EEA1: variants seen among roughly 807,000 people sequenced by gnomAD.
EEA1 encodes early endosome antigen 1.
A neutral mutation model predicts 209.2 loss-of-function variants in EEA1; 111 were observed. The ratio of observed to expected loss-of-function variants is 0.53; its 90% confidence interval spans 0.45 to 0.62. EEA1 has a LOEUF of 0.62. Ranked by LOEUF, EEA1 falls within the 20% of genes least tolerant of loss-of-function variation. The probability of loss-of-function intolerance (pLI) is 0.00; values close to 1 mark genes in which losing one functional copy is unlikely to be tolerated. For missense variants in EEA1, 1,343 were observed against 1,530.8 expected (o/e 0.88, Z 2.05); for synonymous variants, 536 against 540.6 (o/e 0.99, Z 0.12).
chr12:92,888,586 AC>A (rs1279801661), intron 2 of EEA1, among the ~76,000 whole-genome samples: 3 of 149,520 alleles, frequency 2.0e-5, no homozygotes, highest in Admixed American at 1.3e-4. Context: ...AAAAAAACAA[AC>A]AAACAAACAA....
chr12:92,798,026 T>A (rs1565812232), intron 21 of EEA1, among the ~76,000 whole-genome samples: 1 of 152,172 alleles, frequency 6.6e-6, no homozygotes, highest in Non-Finnish European at 1.5e-5. Context: ...GAACTCATTG[T>A]GCTCAAATAT....
intron 5 of EEA1, among the ~76,000 whole-genome samples, chr12:92,854,288 A>T (rs1435312557): frequency 6.6e-6 from 1 of 152,248 alleles, no homozygotes; most frequent in Non-Finnish European, 1.5e-5. Context: ...TTCTAAAACA[A>T]ATACTTAAGT....
At chr12:92,899,923 C>T (rs1045631483) in intron 1 of EEA1, among the ~76,000 whole-genome samples, 3 of 152,168 alleles carry the variant, frequency 2.0e-5, no homozygotes, top group Admixed American at 6.5e-5. Context: ...ATAATGATTC[C>T]AAACTTCTCT....
intron 13 of EEA1, among the ~76,000 whole-genome samples, 198 bp downstream of exon 13, chr12:92,825,968 A>G (rs917534732): frequency 3.3e-5 from 5 of 151,502 alleles, no homozygotes; most frequent in African/African-American, 1.2e-4. Flanking sequence ...CAACATAGTA[A>G]TCAAAAGAAA....
intron 1 of EEA1, among the ~76,000 whole-genome samples, chr12:92,899,761 G>T (rs1880073792): frequency 6.6e-6 from 1 of 152,164 alleles, no homozygotes; most frequent in Admixed American, 6.5e-5. Flanking sequence ...CCTTCCTCTT[G>T]CTCGTTCTCA....
chr12:92,811,092 G>A (rs961406184), intron 17 of EEA1, among the ~76,000 whole-genome samples, 187 bp downstream of exon 17: 11 of 151,988 alleles, frequency 7.2e-5, no homozygotes, highest in Non-Finnish European at 1.5e-4. Flanking sequence ...CTCATTAAGG[G>A]AGACATTAAA....
At chr12:92,872,427 A>G (rs1047156712) in intron 2 of EEA1, among the ~76,000 whole-genome samples, 1 of 152,246 alleles carries the variant, frequency 6.6e-6, no homozygotes, top group African/African-American at 2.4e-5. Context: ...TCTCTTTGAA[A>G]GTAATTTAAT....
chr12:92,801,739 T>A lies in EEA1; in HGVS notation c.2671-38A>T, dbSNP rs761261747. The A allele has an allele frequency of 1.0e-5, 14 of 1,379,496 alleles. No homozygotes were observed. In the South Asian group the frequency reaches 2.0e-4, roughly 20 times the overall value. The allele number at this position is 1,379,496 out of a possible 1,614,324, so 85.5% of individuals were successfully genotyped here. The stretch of plus-strand genomic sequence containing the variant: ...GAAAACTATATTACATAAAAAATAT[T>A]TGTAATAACCTTAAGAAGTTTAGTT... On this transcript the variant is annotated intron_variant, in intron 19 of 28. Coordinates refer to ENST00000322349, the MANE Select transcript of EEA1 (RefSeq NM_003566.4).
chr12:92,809,429 T>C lies in EEA1; in HGVS notation c.2200-273A>G, dbSNP rs1393972492. ...GGCTGGGCGCGGTGGCTCACACCTG[T>C]AATCCCAGCACCTTGGGAGGCAGAG... On this transcript the variant is annotated intron_variant, in intron 17 of 28. Coordinates refer to ENST00000322349, the MANE Select transcript of EEA1 (RefSeq NM_003566.4). Among the ~76,000 whole-genome samples the C allele has an allele frequency of 2.0e-5, 3 of 150,242 alleles. No individual in the cohort carries two copies. In the East Asian group the frequency reaches 5.8e-4, roughly 29 times the overall value.
intron 2 of EEA1, among the ~76,000 whole-genome samples, chr12:92,873,973 G>A (rs1468083009): frequency 6.6e-6 from 1 of 152,004 alleles, no homozygotes; most frequent in African/African-American, 2.4e-5. Flanking sequence ...TTGTCTTCCA[G>A]ATGACCACAG....
intron 1 of EEA1, among the ~76,000 whole-genome samples, chr12:92,917,745 T>C (rs1180725258): frequency 8.2e-6 from 1 of 122,274 alleles, no homozygotes; most frequent in Admixed American, 8.6e-5. Context: ...CACATAACAA[T>C]ATTAACTTTA....
rs532752452 is a variant in EEA1 at position 92,865,073 on chromosome 12, T to C, written c.118-86A>G. 4.3e-5 allele frequency: 47 copies of C among 1,095,528 alleles called. 1 individual carries two copies. The African/African-American group carries it at 6.8e-4, about 16-fold the overall frequency. 67.9% of individuals were successfully genotyped at this position (1,095,528 alleles called of 1,614,324 possible). On this transcript the variant is annotated intron_variant, in intron 2 of 28. Coordinates refer to ENST00000322349, the MANE Select transcript of EEA1 (RefSeq NM_003566.4). ...GCATATTATTAAATATCACCAAATG[T>C]CTGAATCATACCAATGGTGCCATTA...
chr12:92,781,656 T>G (rs1873907468), intron 23 of EEA1, among the ~76,000 whole-genome samples: 1 of 152,198 alleles, frequency 6.6e-6, no homozygotes, highest in Non-Finnish European at 1.5e-5. Flanking sequence ...GAGAAATAGT[T>G]GAGGAACTAT....
intron 20 of EEA1, among the ~76,000 whole-genome samples, chr12:92,801,038 A>G (rs1252500560): frequency 6.6e-6 from 1 of 152,196 alleles, no homozygotes; most frequent in Non-Finnish European, 1.5e-5. Flanking sequence ...GGCTTCAGAG[A>G]GCAACAACCA....
At chr12:92,925,335 C>A (rs2136792831) in intron 1 of EEA1, among the ~76,000 whole-genome samples, 1 of 152,334 alleles carries the variant, frequency 6.6e-6, no homozygotes, top group Admixed American at 6.5e-5. Flanking sequence ...CCACCTCAGT[C>A]TCCCAAGTAG....
rs368844623 is a variant in EEA1, at chr12:92,801,562, T to C, written c.2772+38A>G. The C allele has an allele frequency of 1.1e-5, 15 of 1,351,358 alleles. No homozygotes were observed. In the African/African-American group the frequency reaches 1.2e-4, roughly 11 times the overall value. The allele number at this position is 1,351,358 out of a possible 1,614,324, so 83.7% of individuals were successfully genotyped here. A position where few individuals can be genotyped will look rare whatever the true frequency, so the allele number is the denominator to read the frequency against. ...ATTTGAAAATATAAAGACCTTACTA[T>C]ACTTTACAGATTTTATGTTACAAAA... On this transcript the variant is annotated intron_variant, in intron 20 of 28. Transcript: ENST00000322349.
chr12:92,826,138 C>G, intron 13 of EEA1, 28 bp downstream of exon 13: 1 of 1,606,968 alleles, frequency 6.2e-7, no homozygotes, highest in Middle Eastern at 1.7e-4. Context: ...TTTGTGTTTA[C>G]AAGGCTAATA....
At chr12:92,862,376 C>T (rs1361278666) in intron 3 of EEA1, among the ~76,000 whole-genome samples, 1 of 152,006 alleles carries the variant, frequency 6.6e-6, no homozygotes, top group Admixed American at 6.6e-5. Flanking sequence ...TGGGAGAATT[C>T]CTTGAGGACT....
At chr12:92,882,413 T>G (rs1344594008) in intron 2 of EEA1, among the ~76,000 whole-genome samples, 1 of 152,034 alleles carries the variant, frequency 6.6e-6, no homozygotes, top group Non-Finnish European at 1.5e-5. Context: ...GGCATCTTTT[T>G]TTTTTTTTCC....
Sources: gnomAD v4.1 joint callset for allele counts (sites outside exome capture counted in the v4.1 genomes callset) on GRCh38, gnomAD v4.1.1 for gene constraint, MANE v1.5 for transcripts, NCBI Gene and HGNC (gene_info 2026-07-23, HGNC 2026-07-21) for gene names.